Variants in SNX7 observed in about 807,000 individuals in gnomAD.
SNX7 encodes sorting nexin-7.
Under a neutral mutation model 48.4 loss-of-function variants are expected in SNX7, and 35 were observed. The observed-to-expected ratio is 0.72, with a 90% confidence interval of 0.55 to 0.96. The LOEUF is 0.96. SNX7 is among the 40% of genes least tolerant of loss of function. The pLI, the probability that SNX7 is intolerant of heterozygous loss-of-function variation, is 0.00. For synonymous variants in SNX7, 190 were observed against 190.2 expected (o/e 1.00, Z 0.01); for missense variants, 553 against 548.9 (o/e 1.01, Z -0.07).
At chr1:98,754,513 T>G (rs1444087657) in intron 8 of SNX7, among the ~76,000 whole-genome samples, 3 of 152,052 alleles carry the variant, frequency 2.0e-5, no homozygotes, top group African/African-American at 2.4e-5. Context: ...TTCAAATTCA[T>G]TTGGGTTATT....
At chr1:98,670,319 C>G (rs566220341) in intron 1 of SNX7, among the ~76,000 whole-genome samples, 2 of 152,034 alleles carry the variant, frequency 1.3e-5, no homozygotes, top group Non-Finnish European at 2.9e-5. Flanking sequence ...TATAATAGCA[C>G]CTGCCTCAGG....
intron 7 of SNX7, among the ~76,000 whole-genome samples, chr1:98,702,322 A>G (rs562876770): frequency 5.1e-4 from 77 of 152,236 alleles, no homozygotes; most frequent in Non-Finnish European, 5.9e-5. Flanking sequence ...AATCTTTATG[A>G]AAGGGAATAT....
intron 8 of SNX7, among the ~76,000 whole-genome samples, chr1:98,748,959 C>G (rs1654443047): frequency 6.6e-6 from 1 of 152,038 alleles, no homozygotes; most frequent in South Asian, 2.1e-4. Flanking sequence ...TTCTAATAAT[C>G]CAGAGGTAAA....
intron 1 of SNX7, among the ~76,000 whole-genome samples, chr1:98,679,527 G>A (rs979569124): frequency 2.0e-5 from 3 of 152,128 alleles, no homozygotes; most frequent in Non-Finnish European, 4.4e-5. Context: ...AAAGTCTCAC[G>A]TGAGACAAGG....
At chr1:98,667,976 A>G (rs1055973097) in intron 1 of SNX7, among the ~76,000 whole-genome samples, 3 of 152,016 alleles carry the variant, frequency 2.0e-5, no homozygotes, top group African/African-American at 7.2e-5. Context: ...GGGCTGATCC[A>G]GGACTACTTA....
chr1:98,751,807 T>G (rs1178178352), intron 8 of SNX7, among the ~76,000 whole-genome samples: 1 of 152,126 alleles, frequency 6.6e-6, no homozygotes, highest in Non-Finnish European at 1.5e-5. Flanking sequence ...CATCAGAAGA[T>G]TATTGCATGA....
At position 98,674,768 on chromosome 1, in the gene SNX7, T is replaced by C. The variant is rs111742260; in HGVS notation, c.181-10117T>C. Among the ~76,000 whole-genome samples the C allele has an allele frequency of 1.1e-3, 163 of 152,300 alleles. 1 individual carries two copies. The highest frequency in any genetic ancestry group is 6.8e-3 in the Middle Eastern group (2 of 292). On this transcript the variant is annotated intron_variant, in intron 1 of 8. Transcript: ENST00000306121. ...ATCTAATCCATTTATTTCAGTTAAG[T>C]TATTTAAGTGGTTTTTCTGACAGTG...
chr1:98,687,315 T>G (rs188860129), intron 2 of SNX7, among the ~76,000 whole-genome samples: 1 of 152,216 alleles, frequency 6.6e-6, no homozygotes, highest in Non-Finnish European at 1.5e-5. Context: ...TTTTGTGCAT[T>G]TAGGTATGGA....
chr1:98,742,495 A>G (rs1654121161), intron 8 of SNX7, among the ~76,000 whole-genome samples: 1 of 152,114 alleles, frequency 6.6e-6, no homozygotes, highest in South Asian at 2.1e-4. Context: ...TCGTTAAGTG[A>G]ATATGATAAA....
chr1:98,694,596 A>AATT, intron 4 of SNX7, among the ~76,000 whole-genome samples: 1 of 53,224 alleles, frequency 1.9e-5, no homozygotes, highest in South Asian at 1.2e-3. Flanking sequence ...TTGCTCTGGG[A>AATT]TTTTTTTTTT....
intron 7 of SNX7, among the ~76,000 whole-genome samples, chr1:98,709,252 T>A (rs1241209432): frequency 6.6e-6 from 1 of 152,196 alleles, no homozygotes; most frequent in African/African-American, 2.4e-5. Context: ...ATATATTAGT[T>A]TCATTCTTCT....
chr1:98,703,644 C>A (rs1257101075), intron 7 of SNX7, among the ~76,000 whole-genome samples: 1 of 151,798 alleles, frequency 6.6e-6, no homozygotes, highest in Non-Finnish European at 1.5e-5. Context: ...AACACTCTTT[C>A]TATATATAGT....
In SNX7 at chr1:98,695,176, A is replaced by T. The variant is rs186304257; in HGVS notation, c.640-342A>T. On this transcript the variant is annotated intron_variant, in intron 4 of 8. Coordinates refer to ENST00000306121, the MANE Select transcript of SNX7 (RefSeq NM_015976.5). ...AATCATTTTCCATTAAATTCCTATT[A>T]TAAAATATAGATGGTATGTCATATT... is the stretch of plus-strand genomic sequence containing the variant. Among the ~76,000 whole-genome samples the T allele has an allele frequency of 8.1e-4, 123 of 152,310 alleles. 1 individual carries two copies. The highest frequency in any genetic ancestry group is 1.6e-3 in the Non-Finnish European group (110 of 68,030).
chr1:98,706,651 G>A (rs1173862392), intron 7 of SNX7, among the ~76,000 whole-genome samples: 2 of 152,138 alleles, frequency 1.3e-5, no homozygotes, highest in Non-Finnish European at 1.5e-5. Context: ...AGCCAGAGCC[G>A]GAGAGTAGCT....
intron 1 of SNX7, among the ~76,000 whole-genome samples, chr1:98,681,757 T>G (rs1047629662): frequency 2.0e-5 from 3 of 152,194 alleles, no homozygotes; most frequent in Non-Finnish European, 4.4e-5. Context: ...AGGATATTTT[T>G]GGGACAGAGA....
chr1:98,732,032 G>A (rs546086693), intron 7 of SNX7, among the ~76,000 whole-genome samples: 10 of 152,222 alleles, frequency 6.6e-5, no homozygotes, highest in African/African-American at 2.4e-4. Context: ...TCAACTTTAA[G>A]ATGGGGTTAC....
chr1:98,669,220 C>A (rs1032843803), intron 1 of SNX7, among the ~76,000 whole-genome samples: 1 of 152,182 alleles, frequency 6.6e-6, no homozygotes, highest in African/African-American at 2.4e-5. Flanking sequence ...CATGCACTCT[C>A]CATGTCTGTT....
chr1:98,751,412 A>G (rs2101054152), intron 8 of SNX7, among the ~76,000 whole-genome samples: 1 of 152,154 alleles, frequency 6.6e-6, no homozygotes, highest in African/African-American at 2.4e-5. Flanking sequence ...TGCATTTAGG[A>G]AGGTTTTCAG....
In SNX7 at chr1:98,679,739, G is replaced by A. The variant is rs892756594; in HGVS notation, c.181-5146G>A. Among the ~76,000 whole-genome samples, 6 of 152,308 alleles carry A rather than the reference G, an allele frequency of 3.9e-5. No homozygotes were observed. The East Asian group carries it at 1.2e-3, about 29-fold the overall frequency. On this transcript the variant is annotated intron_variant, in intron 1 of 8. Coordinates refer to ENST00000306121, the MANE Select transcript of SNX7 (RefSeq NM_015976.5). The stretch of plus-strand genomic sequence containing the variant: ...CCAAAATGATCTCCTTTGACTCCAT[G>A]TCTCACATACAGGTCACACTGATGC...
Sources: gnomAD v4.1 joint callset for allele counts (sites outside exome capture counted in the v4.1 genomes callset) on GRCh38, gnomAD v4.1.1 for gene constraint, MANE v1.5 for transcripts, NCBI Gene and HGNC (gene_info 2026-07-23, HGNC 2026-07-21) for gene names.